PLXNA4: variants seen among roughly 807,000 people sequenced by gnomAD.
PLXNA4 encodes the protein plexin A4.
PLXNA4 carries 44 observed loss-of-function variants against 191.8 expected under a neutral mutation model. The observed-to-expected ratio is 0.23, with a 90% confidence interval of 0.18 to 0.29. PLXNA4 has a LOEUF of 0.29. Ranked by LOEUF, PLXNA4 falls within the 10% of genes least tolerant of loss-of-function variation. The pLI is 1.00. For missense variants in PLXNA4, 1,800 were observed against 2,488.8 expected, an observed-to-expected ratio of 0.72 and a Z score of 5.89; for synonymous variants, 1,082 against 1,009.5, an observed-to-expected ratio of 1.07 and a Z score of -1.36.
intron 1 of PLXNA4, among the ~76,000 whole-genome samples, chr7:132,565,020 C>T (rs940268413): frequency 4.6e-5 from 7 of 152,202 alleles, no homozygotes; most frequent in Non-Finnish European, 7.3e-5. Context: ...TTATCCCTTA[C>T]ACCTCCTCAC....
upstream of PLXNA4, among the ~76,000 whole-genome samples, chr7:132,577,536 C>A (rs1802306813): frequency 6.6e-6 from 1 of 151,886 alleles, no homozygotes; most frequent in Non-Finnish European, 1.5e-5. Flanking sequence ...GCAGAGGGGG[C>A]AGGGGGCGCC....
intron 14 of PLXNA4, among the ~76,000 whole-genome samples, chr7:132,190,119 G>A (rs1292089541): frequency 1.3e-5 from 2 of 152,128 alleles, no homozygotes; most frequent in Non-Finnish European, 2.9e-5. Flanking sequence ...TCTCCCTCCT[G>A]TTCCCATCTT....
At chr7:132,351,239 A>C (rs1374327353) in intron 3 of PLXNA4, among the ~76,000 whole-genome samples, 2 of 152,254 alleles carry the variant, frequency 1.3e-5, no homozygotes, top group African/African-American at 2.4e-5. Context: ...CTGTAATTAT[A>C]GTAAAAGCTA....
intron 1 of PLXNA4, among the ~76,000 whole-genome samples, chr7:132,515,345 C>T (rs1255654085): frequency 1.3e-5 from 2 of 152,188 alleles, no homozygotes; most frequent in African/African-American, 2.4e-5. Flanking sequence ...CCACTGAAGC[C>T]AGCTCTATGC....
chr7:132,420,126 C>G (rs1053728306), intron 3 of PLXNA4, among the ~76,000 whole-genome samples: 2 of 152,224 alleles, frequency 1.3e-5, no homozygotes, highest in East Asian at 1.9e-4. Flanking sequence ...CCCCACCAAC[C>G]TCTTCCACAC....
intron 3 of PLXNA4, among the ~76,000 whole-genome samples, chr7:132,378,809 C>A (rs1804767994): frequency 1.3e-5 from 2 of 151,318 alleles, no homozygotes; most frequent in Admixed American, 1.3e-4. Flanking sequence ...TACTTCAAAC[C>A]AGTGACAGCC....
intron 3 of PLXNA4, among the ~76,000 whole-genome samples, chr7:132,324,224 A>G (rs1802277590): frequency 6.6e-6 from 1 of 152,200 alleles, no homozygotes; most frequent in Non-Finnish European, 1.5e-5. Context: ...GTGAAGGGAG[A>G]ATGGGAGAGG....
In PLXNA4 at chr7:132,359,209, CTTTT is replaced by C. The variant is rs57415453; in HGVS notation, c.1372-60991_1372-60988del. 5.1e-4 allele frequency among the ~76,000 whole-genome samples: 57 copies of C among 110,898 alleles called. 1 individual carries two copies. Among genetic ancestry groups the C allele is most frequent in the South Asian group, 4.5e-3 (14 of 3,130 alleles). The allele number at this position is 110,898 out of a possible 152,430, so 72.8% of individuals were successfully genotyped here. On this transcript the variant is annotated intron_variant, in intron 3 of 31. Coordinates refer to ENST00000321063, the MANE Select transcript of PLXNA4 (RefSeq NM_020911.2). ...TTTCAGAAGGAAAAAGTCAAGGCTG[CTTTT>C]TTTTTTTTTTTTTTTTTTTTATTCC...
intron 1 of PLXNA4, among the ~76,000 whole-genome samples, chr7:132,545,795 T>C (rs953375475): frequency 6.6e-6 from 1 of 152,154 alleles, no homozygotes; most frequent in Non-Finnish European, 1.5e-5. Flanking sequence ...GTTGCTGTAG[T>C]AGGGAGAGGT....
chr7:132,338,289 C>T (rs1011785495), intron 3 of PLXNA4, among the ~76,000 whole-genome samples: 1 of 152,212 alleles, frequency 6.6e-6, no homozygotes, highest in Non-Finnish European at 1.5e-5. Context: ...ACTCAAATTC[C>T]TCTCGGCCTC....
At chr7:132,488,842 G>A (rs1401275614) in intron 3 of PLXNA4, among the ~76,000 whole-genome samples, 3 of 152,126 alleles carry the variant, frequency 2.0e-5, no homozygotes, top group African/African-American at 7.2e-5. Context: ...AACTTTAATA[G>A]GTCTGCACTT....
intron 1 of PLXNA4, among the ~76,000 whole-genome samples, chr7:132,563,016 CTCT>C (rs1801360688): frequency 9.8e-6 from 1 of 101,886 alleles, no homozygotes. Context: ...CCTCCTCTTT[CTCT>C]TCCTCTTTCT....
intron 3 of PLXNA4, among the ~76,000 whole-genome samples, chr7:132,345,785 A>G (rs115939545): frequency 3.2e-4 from 48 of 152,326 alleles, no homozygotes; most frequent in African/African-American, 1.0e-3. Flanking sequence ...TGGACCATAA[A>G]TTGTACAGAC....
At chr7:132,219,672 T>A (rs1335420707) in intron 9 of PLXNA4, among the ~76,000 whole-genome samples, 1 of 152,174 alleles carries the variant, frequency 6.6e-6, no homozygotes, top group Non-Finnish European at 1.5e-5. Flanking sequence ...TTTTACCCCC[T>A]ACTCCTGCTA....
intron 1 of PLXNA4, among the ~76,000 whole-genome samples, chr7:132,547,781 G>A (rs937216078): frequency 1.3e-5 from 2 of 152,142 alleles, no homozygotes; most frequent in Non-Finnish European, 2.9e-5. Context: ...GGCAACAAGA[G>A]AGTTTGTTGG....
At chr7:132,564,639 A>T (rs139648418) in intron 1 of PLXNA4, among the ~76,000 whole-genome samples, 2,337 of 152,340 alleles carry the variant, frequency 0.015, 27 homozygotes, top group Middle Eastern at 0.061. Context: ...CCTAGCACAC[A>T]GTAGGCACTC....
At chr7:132,359,276 C>G (rs1338093282) in intron 3 of PLXNA4, among the ~76,000 whole-genome samples, 1 of 136,148 alleles carries the variant, frequency 7.3e-6, no homozygotes, top group East Asian at 2.3e-4. Context: ...GGCTGGAGTA[C>G]AGTGGCTCAA....
At chr7:132,269,664 C>CT (rs778720321) in intron 4 of PLXNA4, among the ~76,000 whole-genome samples, 2,282 of 148,222 alleles carry the variant, frequency 0.015, 37 homozygotes, top group African/African-American at 0.046. Flanking sequence ...AAAAAAAGAT[C>CT]TTTTTTTTTT....
chr7:132,326,629 C>T (rs1247724313), intron 3 of PLXNA4, among the ~76,000 whole-genome samples: 2 of 152,308 alleles, frequency 1.3e-5, no homozygotes, highest in Admixed American at 6.5e-5. Flanking sequence ...CCTCGCTTCC[C>T]GCGGCCTTGC....
Sources: gnomAD v4.1 joint callset for allele counts (sites outside exome capture counted in the v4.1 genomes callset) on GRCh38, gnomAD v4.1.1 for gene constraint, MANE v1.5 for transcripts, NCBI Gene and HGNC (gene_info 2026-07-23, HGNC 2026-07-21) for gene names.